LMAN2L: variants seen among roughly 807,000 people sequenced by gnomAD.
LMAN2L encodes lectin, mannose binding 2 like, also known as VIP36-like protein.
In LMAN2L, 30 loss-of-function variants were observed where a neutral mutation model predicts 44.3. The observed-to-expected ratio is 0.68, with a 90% CI of 0.51 to 0.92. LMAN2L has a LOEUF of 0.92. Among genes scored for constraint, LMAN2L ranks in the 40% least tolerant of loss-of-function variants. LMAN2L has a pLI of 0.00. For missense variants in LMAN2L, 429 were observed against 446.1 expected (o/e 0.96, Z 0.35); for synonymous variants, 183 against 171.1 (o/e 1.07, Z -0.54).
chr2:96,710,895 C>A (rs1451852089), intron 6 of LMAN2L, among the ~76,000 whole-genome samples: 1 of 152,078 alleles, frequency 6.6e-6, no homozygotes, highest in Non-Finnish European at 1.5e-5. Context: ...CTTTTCTCTT[C>A]CCAAAAGATG....
chr2:96,726,970 C>G (rs72941253), intron 4 of LMAN2L, among the ~76,000 whole-genome samples: 68,548 of 150,906 alleles, frequency 0.45, 16,817 homozygotes, highest in African/African-American at 0.64. Flanking sequence ...TGTAATCTCA[C>G]CTACTTGGGA....
chr2:96,717,531 CGG>C (rs1480001498), intron 4 of LMAN2L, among the ~76,000 whole-genome samples: 4 of 91,430 alleles, frequency 4.4e-5, no homozygotes, highest in Non-Finnish European at 8.1e-5. Flanking sequence ...AACCCTGTGT[CGG>C]AAAAAAAAAA....
chr2:96,731,598 C>G (rs930231622), intron 4 of LMAN2L, among the ~76,000 whole-genome samples: 2 of 151,250 alleles, frequency 1.3e-5, no homozygotes, highest in Non-Finnish European at 2.9e-5. Context: ...TGCAGTGAGC[C>G]GAGATTGCAC....
chr2:96,738,536 T>C (rs1487642278), intron 1 of LMAN2L, among the ~76,000 whole-genome samples: 1 of 150,610 alleles, frequency 6.6e-6, no homozygotes, highest in Non-Finnish European at 1.5e-5. Context: ...ATTAGCCAGG[T>C]GTGGTAGTCC....
intron 4 of LMAN2L, among the ~76,000 whole-genome samples, chr2:96,714,016 C>G (rs1243049910): frequency 6.6e-6 from 1 of 152,078 alleles, no homozygotes; most frequent in African/African-American, 2.4e-5. Flanking sequence ...AGGTACTGTT[C>G]CAGATGCTGA....
At chr2:96,727,314 T>C (rs1416801327) in intron 4 of LMAN2L, among the ~76,000 whole-genome samples, 2 of 152,138 alleles carry the variant, frequency 1.3e-5, no homozygotes, top group African/African-American at 2.4e-5. Context: ...ATGTGGTATA[T>C]TATACTAATT....
intron 4 of LMAN2L, among the ~76,000 whole-genome samples, chr2:96,721,281 G>A (rs1273638107): frequency 1.3e-5 from 2 of 151,240 alleles, no homozygotes; most frequent in Non-Finnish European, 2.9e-5. Context: ...TGTTTTCATG[G>A]GTCATCCATG....
chr2:96,711,183 G>C (rs980875069), intron 6 of LMAN2L, among the ~76,000 whole-genome samples: 1 of 152,216 alleles, frequency 6.6e-6, no homozygotes, highest in Non-Finnish European at 1.5e-5. Flanking sequence ...GCACAGGTCT[G>C]AGTCAGCATG....
intron 6 of LMAN2L, among the ~76,000 whole-genome samples, chr2:96,711,026 A>G (rs1175063418): frequency 6.6e-6 from 1 of 152,226 alleles, no homozygotes. Context: ...TGTTAATGTC[A>G]CATAAGTCAA....
At chr2:96,722,059 C>A (rs1300271120) in intron 4 of LMAN2L, among the ~76,000 whole-genome samples, 3 of 152,082 alleles carry the variant, frequency 2.0e-5, no homozygotes, top group Non-Finnish European at 4.4e-5. Context: ...GCTCCGCCTG[C>A]CAGGTTCACG....
chr2:96,726,609 C>T (rs2078277547), intron 4 of LMAN2L, among the ~76,000 whole-genome samples: 1 of 151,628 alleles, frequency 6.6e-6, no homozygotes, highest in Admixed American at 6.6e-5. Flanking sequence ...ATGGCAAACT[C>T]CCGTCACTAC....
intron 4 of LMAN2L, among the ~76,000 whole-genome samples, chr2:96,717,941 T>C (rs2078074651): frequency 6.6e-6 from 1 of 152,184 alleles, no homozygotes; most frequent in African/African-American, 2.4e-5. Context: ...GTTATATTTT[T>C]TCCCCCTAAA....
intron 7 of LMAN2L, 80 bp from the exon 8 acceptor site, chr2:96,707,478 C>A (rs1344531168): frequency 1.4e-6 from 2 of 1,467,556 alleles, no homozygotes; most frequent in African/African-American, 1.4e-5. Context: ...GCTGTCCGGC[C>A]CCCAGTTTCT....
intron 6 of LMAN2L, among the ~76,000 whole-genome samples, chr2:96,708,202 G>C (rs1221386511): frequency 6.6e-6 from 1 of 152,228 alleles, no homozygotes; most frequent in East Asian, 1.9e-4. Flanking sequence ...ACAACACTCT[G>C]TACTGAGGCT....
Sources: allele counts gnomAD v4.1 joint callset (sites outside exome capture counted in the v4.1 genomes callset), GRCh38; gene constraint gnomAD v4.1.1; transcripts MANE v1.5; gene names NCBI Gene and HGNC (gene_info 2026-07-23, HGNC 2026-07-21).